Variants in ATP9A observed in about 807,000 individuals in gnomAD.
ATP9A encodes the protein probable phospholipid-transporting ATPase IIA.
Under a neutral mutation model 144.1 loss-of-function variants are expected in ATP9A, and 52 were observed. That is an observed-to-expected ratio of 0.36 (90% CI 0.29 to 0.45). The LOEUF is 0.45. Ranked by LOEUF, ATP9A falls within the 20% of genes least tolerant of loss-of-function variation. The pLI, the probability that ATP9A is intolerant of heterozygous loss-of-function variation, is 1.00. For synonymous variants in ATP9A, 582 were observed against 557.4 expected, an observed-to-expected ratio of 1.04 and a Z score of -0.62; for missense variants, 947 against 1,392.7, an observed-to-expected ratio of 0.68 and a Z score of 5.09.
intron 4 of ATP9A, among the ~76,000 whole-genome samples, chr20:51,706,268 G>T (rs1430345902): frequency 2.0e-5 from 3 of 152,208 alleles, no homozygotes; most frequent in Non-Finnish European, 4.4e-5. Flanking sequence ...TGACTTAAAG[G>T]CTAAGGTTTT....
At chr20:51,671,359 A>T in intron 11 of ATP9A, 102 bp from the exon 12 acceptor site, 1 of 1,368,862 alleles carries the variant, frequency 7.3e-7, no homozygotes, top group South Asian at 1.4e-5. Context: ...TCGCATCCGG[A>T]CTCACTCCCT....
chr20:51,684,498 C>T (rs1363250192), intron 9 of ATP9A, among the ~76,000 whole-genome samples: 1 of 150,534 alleles, frequency 6.6e-6, no homozygotes, highest in African/African-American at 2.4e-5. Flanking sequence ...CGATTGAGAC[C>T]ATCCTGGCTA....
intron 9 of ATP9A, among the ~76,000 whole-genome samples, chr20:51,682,608 G>C (rs78267415): frequency 1.0e-4 from 1 of 9,596 alleles, no homozygotes; most frequent in Non-Finnish European, 3.1e-4. Context: ...TTTTTTTTTT[G>C]AGACAGAGTT....
intron 11 of ATP9A, among the ~76,000 whole-genome samples, chr20:51,673,328 C>G (rs909755641): frequency 2.6e-5 from 4 of 151,980 alleles, no homozygotes; most frequent in African/African-American, 7.2e-5. Context: ...GAGCTGAGAT[C>G]GCACCACTGC....
intron 15 of ATP9A, among the ~76,000 whole-genome samples, chr20:51,632,138 C>T (rs554286165): frequency 2.0e-5 from 3 of 152,218 alleles, no homozygotes; most frequent in Non-Finnish European, 2.9e-5. Flanking sequence ...GGCACAATCA[C>T]GACTCACTAC....
At chr20:51,651,931 A>G (rs1196861482) in intron 14 of ATP9A, among the ~76,000 whole-genome samples, 1 of 150,958 alleles carries the variant, frequency 6.6e-6, no homozygotes, top group African/African-American at 2.5e-5. Context: ...GCGCCTGGCC[A>G]AAAAAAGAAA....
intron 15 of ATP9A, among the ~76,000 whole-genome samples, chr20:51,632,882 G>C (rs939550282): frequency 2.0e-5 from 3 of 152,120 alleles, no homozygotes; most frequent in Admixed American, 6.6e-5. Context: ...CAGCACTTTG[G>C]GGGGCCGAGG....
intron 9 of ATP9A, among the ~76,000 whole-genome samples, chr20:51,679,370 T>A (rs6021374): frequency 0.8 from 121,734 of 152,164 alleles, 48,978 homozygotes; most frequent in African/African-American, 0.89. Context: ...TTCCTGGAAG[T>A]GTGGAAGATC....
chr20:51,611,147 T>TA lies in ATP9A; in HGVS notation c.2572-983dup, dbSNP rs1420554741. ...AGAAGAAAGCAAGGCAGAGATACCC[T>TA]AGTCATTAGAAATAGCATCAGACCA... On this transcript the variant is annotated intron_variant, in intron 23 of 27. Coordinates refer to ENST00000338821, the MANE Select transcript of ATP9A (RefSeq NM_006045.3). The surrounding 1 kb of genome is among the most constrained non-coding windows in gnomAD (Gnocchi z 4.2). Among the ~76,000 whole-genome samples the TA allele has an allele frequency of 6.6e-6, 1 of 152,152 alleles. No individual in the cohort carries two copies. Among genetic ancestry groups the TA allele is most frequent in the Non-Finnish European group, 1.5e-5 (1 of 68,028 alleles).
chr20:51,735,822 C>T (rs2077760565), intron 1 of ATP9A, among the ~76,000 whole-genome samples: 2 of 152,360 alleles, frequency 1.3e-5, no homozygotes, highest in South Asian at 2.1e-4. Flanking sequence ...GTAATAGCAG[C>T]TTCCTTTTTG....
chr20:51,662,336 G>A (rs975391297), intron 13 of ATP9A, among the ~76,000 whole-genome samples: 2 of 152,040 alleles, frequency 1.3e-5, no homozygotes, highest in Admixed American at 6.6e-5. Flanking sequence ...CCTGAGGTCG[G>A]GAGCTCGAGA....
chr20:51,611,366 AG>A lies in ATP9A; in HGVS notation c.2572-1202del, dbSNP rs1379293940. On this transcript the variant is annotated intron_variant, in intron 23 of 27. Coordinates refer to ENST00000338821, the MANE Select transcript of ATP9A (RefSeq NM_006045.3). The surrounding 1 kb of genome is among the most constrained non-coding windows in gnomAD (Gnocchi z 4.2). ...ACCCAGGCTGTGCCGCTGCTTAGGAAGGATGGTTGTAAAAATGTCAAGAATC... is the reference window on the plus strand; with the variant it reads ...ACCCAGGCTGTGCCGCTGCTTAGGAAGATGGTTGTAAAAATGTCAAGAATC... Among the ~76,000 whole-genome samples the A allele has an allele frequency of 2.6e-5, 4 of 152,234 alleles. No homozygotes were observed. Among genetic ancestry groups the A allele is most frequent in the Non-Finnish European group, 5.9e-5 (4 of 68,036 alleles).
intron 1 of ATP9A, among the ~76,000 whole-genome samples, chr20:51,756,179 G>A (rs542975234): frequency 4.6e-5 from 7 of 152,032 alleles, no homozygotes; most frequent in African/African-American, 7.2e-5. Context: ...AGAACAAGGT[G>A]TCAGCAGGGT....
At chr20:51,686,730 T>C (rs1243994952) in intron 9 of ATP9A, among the ~76,000 whole-genome samples, 3 of 152,012 alleles carry the variant, frequency 2.0e-5, no homozygotes, top group African/African-American at 7.3e-5. Flanking sequence ...AGGTCAGGAG[T>C]TCGAGACCAG....
intron 2 of ATP9A, among the ~76,000 whole-genome samples, chr20:51,729,126 T>C (rs541883064): frequency 6.6e-6 from 1 of 152,174 alleles, no homozygotes; most frequent in African/African-American, 2.4e-5. Context: ...TAAGCTATTA[T>C]CTCCCAACTT....
At position 51,597,744 on chromosome 20, in the gene ATP9A, G is replaced by T. The variant is rs562870128; in HGVS notation, c.*3467C>A. 2.0e-5 allele frequency: 3 copies of T among 152,042 alleles called. No homozygotes were observed. Among genetic ancestry groups the T allele is most frequent in the African/African-American group, 4.8e-5 (2 of 41,392 alleles). 9.4% of individuals were successfully genotyped at this position (152,042 alleles called of 1,614,324 possible). A position where few individuals can be genotyped will look rare whatever the true frequency, so the allele number is the denominator to read the frequency against. ...AAGTATAAAAAGAAAAGTCTGGCGG[G>T]GGGTGGGGGAGGCATTAGCATATCA... On this transcript the variant is annotated 3_prime_UTR_variant, in exon 28 of 28. Coordinates refer to ENST00000338821, the MANE Select transcript of ATP9A (RefSeq NM_006045.3).
intron 1 of ATP9A, chr20:51,735,215 GTGCACAAAATGACCCAATC>G (rs1462906175): frequency 6.6e-6 from 1 of 152,276 alleles, no homozygotes; most frequent in Non-Finnish European, 1.5e-5. Context: ...ATAGCGCTGT[GTGCACAAAATGACCCAATC>G]TGCAAAATAC....
chr20:51,754,603 C>G (rs2077847922), intron 1 of ATP9A, among the ~76,000 whole-genome samples: 1 of 151,600 alleles, frequency 6.6e-6, no homozygotes, highest in Non-Finnish European at 1.5e-5. Flanking sequence ...CACCTGAGGT[C>G]AGGGGTTTGA....
At chr20:51,621,961 C>T (rs2122724440) in intron 19 of ATP9A, 113 bp downstream of exon 19, 1 of 904,064 alleles carries the variant, frequency 1.1e-6, no homozygotes, top group South Asian at 1.5e-5. Context: ...GCTCCCCACC[C>T]TAGGTAATTC....
Sources: gnomAD v4.1 joint callset for allele counts (sites outside exome capture counted in the v4.1 genomes callset) on GRCh38, gnomAD v4.1.1 for gene constraint, Gnocchi (gnomAD v3.1) non-coding constraint, MANE v1.5 for transcripts, NCBI Gene and HGNC (gene_info 2026-07-23, HGNC 2026-07-21) for gene names.